ATXN10: variants seen among roughly 807,000 people sequenced by gnomAD.
ATXN10 encodes ataxin-10.
A neutral mutation model predicts 52.9 loss-of-function variants in ATXN10; 28 were observed. The observed-to-expected ratio is 0.53, with a 90% CI of 0.39 to 0.73. The LOEUF is 0.73. ATXN10 is among the 30% of genes least tolerant of loss of function. The pLI, the probability that ATXN10 is intolerant of heterozygous loss-of-function variation, is 0.00. For synonymous variants in ATXN10, 226 were observed against 221.5 expected (o/e 1.02, Z -0.18); for missense variants, 565 against 577.0 (o/e 0.98, Z 0.21).
Position 45,818,633 on chromosome 22 carries a change from T to TCAGGGGG in ATXN10, c.1237+11616_1237+11617insGGCAGGG, listed in dbSNP as rs1213514751. Among the ~76,000 whole-genome samples, 3 of 151,784 alleles carry TCAGGGGG rather than the reference T, an allele frequency of 2.0e-5. No individual in the cohort carries two copies. The highest frequency in any genetic ancestry group is 7.3e-5 in the African/African-American group (3 of 41,240). On this transcript the variant is annotated intron_variant, in intron 10 of 11. Transcript: ENST00000252934. The surrounding 1 kb of genome is among the most constrained non-coding windows in gnomAD (Gnocchi z 4.6). ...AGGGATCAACAGCCTGGGGCAGGGATCAGGGATCAGGGGGCAGGGATCATC... is the reference window on the plus strand; with the variant it reads ...AGGGATCAACAGCCTGGGGCAGGGATCAGGGGGCAGGGATCAGGGGGCAGGGATCATC...
intron 9 of ATXN10, chr22:45,793,894 C>G (rs947088399): frequency 1.6e-6 from 2 of 1,245,068 alleles, no homozygotes; most frequent in Non-Finnish European, 2.0e-6. Flanking sequence ...CAGTGTATAG[C>G]AGCAGCAGAG....
At chr22:45,714,499 G>A (rs965214014) in intron 5 of ATXN10, among the ~76,000 whole-genome samples, 1 of 151,932 alleles carries the variant, frequency 6.6e-6, no homozygotes, top group African/African-American at 2.4e-5. Flanking sequence ...TCCCTCCTCA[G>A]CCCACTGAGA....
intron 10 of ATXN10, chr22:45,811,747 A>G (rs1202362776): frequency 2.1e-6 from 1 of 471,066 alleles, no homozygotes; most frequent in Non-Finnish European, 4.4e-6. Flanking sequence ...GAACTTCGGC[A>G]GTGACTTCCT....
At position 45,733,681 on chromosome 22, in the gene ATXN10, G is replaced by A. The variant is rs895438328; in HGVS notation, c.894+4091G>A. Among the ~76,000 whole-genome samples the A allele has an allele frequency of 3.3e-5, 5 of 152,060 alleles. No individual in the cohort carries two copies. Among genetic ancestry groups the A allele is most frequent in the African/African-American group, 9.6e-5 (4 of 41,480 alleles). On this transcript the variant is annotated intron_variant, in intron 7 of 11. Transcript: ENST00000252934. The surrounding 1 kb of genome is among the most constrained non-coding windows in gnomAD (Gnocchi z 4.4). The stretch of plus-strand genomic sequence containing the variant: ...CGGAGGCAGAGAATCACGTGAACCC[G>A]GGAGGCGGAGGTTGCTGTGAACTGA...
rs1926412084 is a variant in ATXN10, at chr22:45,762,060, A to T, written c.1173+21522A>T. Among the ~76,000 whole-genome samples the T allele has an allele frequency of 6.6e-6, 1 of 152,144 alleles. No individual in the cohort carries two copies. Among genetic ancestry groups the T allele is most frequent in the South Asian group, 2.1e-4 (1 of 4,830 alleles). ...CTATTTAGTCATATGTTTTTACTTC[A>T]CTTTATGGTTTAAGTGAGCCAACCA... On this transcript the variant is annotated intron_variant, in intron 9 of 11. Transcript: ENST00000252934. The surrounding 1 kb of genome is among the most constrained non-coding windows in gnomAD (Gnocchi z 4.3).
intron 10 of ATXN10, among the ~76,000 whole-genome samples, chr22:45,831,733 C>G (rs897443981): frequency 2.6e-5 from 4 of 152,262 alleles, no homozygotes; most frequent in African/African-American, 4.8e-5. Context: ...TTTCTGCCCA[C>G]AAGGCCCAAG....
chr22:45,738,277 C>T (rs1469013340), intron 7 of ATXN10, among the ~76,000 whole-genome samples: 1 of 152,170 alleles, frequency 6.6e-6, no homozygotes, highest in Non-Finnish European at 1.5e-5. Context: ...TTTTCAACCA[C>T]AGCATTTTAC....
At position 45,824,080 on chromosome 22, in the gene ATXN10, C is replaced by G. The variant is rs530954900; in HGVS notation, c.1237+17058C>G. Among the ~76,000 whole-genome samples the G allele has an allele frequency of 2.0e-5, 3 of 152,302 alleles. No individual in the cohort carries two copies. The South Asian group carries it at 6.2e-4, about 32-fold the overall frequency. On this transcript the variant is annotated intron_variant, in intron 10 of 11. Transcript: ENST00000252934. The surrounding 1 kb of genome is among the most constrained non-coding windows in gnomAD (Gnocchi z 5.2). ...AGTGGGTATGCAGTAAGTTCTGGAGCAGGGACTTACCTTCCTACCTTCCTT... is the reference window on the plus strand; with the variant it reads ...AGTGGGTATGCAGTAAGTTCTGGAGGAGGGACTTACCTTCCTACCTTCCTT...
Position 45,690,089 on chromosome 22 carries a change from A to G in ATXN10, c.308+186A>G, listed in dbSNP as rs1468888402. On this transcript the variant is annotated intron_variant, in intron 2 of 11. Coordinates refer to ENST00000252934, the MANE Select transcript of ATXN10 (RefSeq NM_013236.4). The surrounding 1 kb of genome is among the most constrained non-coding windows in gnomAD (Gnocchi z 4.5). Reference sequence around the variant, plus strand: ...GGAGTTCAAGACCGGCCTGGGCAACATGGTGAGACCCTGTCTCTACAAAAA... The same window carrying G: ...GGAGTTCAAGACCGGCCTGGGCAACGTGGTGAGACCCTGTCTCTACAAAAA... Among the ~76,000 whole-genome samples, 1 of 152,132 alleles carries G rather than the reference A, an allele frequency of 6.6e-6. No individual in the cohort carries two copies. The highest frequency in any genetic ancestry group is 1.5e-5 in the Non-Finnish European group (1 of 68,020).
chr22:45,719,528 A>G (rs1924569471), intron 6 of ATXN10, among the ~76,000 whole-genome samples: 1 of 151,846 alleles, frequency 6.6e-6, no homozygotes, highest in African/African-American at 2.4e-5. Context: ...AAAAGAGATA[A>G]TACGACATAC....
At chr22:45,788,592 T>A (rs374071583) in intron 9 of ATXN10, among the ~76,000 whole-genome samples, 151 of 152,004 alleles carry the variant, frequency 9.9e-4, no homozygotes, top group African/African-American at 3.4e-3. Context: ...ATCTAAAATT[T>A]TTTTCCTGAT....
chr22:45,740,356 CT>C lies in ATXN10; in HGVS notation c.1004-9del. On this transcript the variant is annotated splice_polypyrimidine_tract_variant and intron_variant, in intron 8 of 11. Coordinates refer to ENST00000252934, the MANE Select transcript of ATXN10 (RefSeq NM_013236.4). ...TTTTCTGTGGAAAATGAAGTTTACT[CT>C]TTTGGTTATAGATCTTTTGCGGGTG... 6.2e-7 allele frequency: 1 copy of C among 1,613,756 alleles called. No individual in the cohort carries two copies. Among genetic ancestry groups the C allele is most frequent in the East Asian group, 2.2e-5 (1 of 44,846 alleles).
intron 10 of ATXN10, among the ~76,000 whole-genome samples, chr22:45,822,839 A>G (rs1928696582): frequency 6.6e-6 from 1 of 152,144 alleles, no homozygotes; most frequent in African/African-American, 2.4e-5. Flanking sequence ...TCTAATATTA[A>G]TAAACACAGT....
chr22:45,791,997 C>T (rs1299436772), intron 9 of ATXN10, among the ~76,000 whole-genome samples: 1 of 152,134 alleles, frequency 6.6e-6, no homozygotes, highest in African/African-American at 2.4e-5. Context: ...TTCCCAGGCA[C>T]AGTTTATTTT....
At chr22:45,773,151 C>G (rs184673906) in intron 9 of ATXN10, among the ~76,000 whole-genome samples, 1 of 152,280 alleles carries the variant, frequency 6.6e-6, no homozygotes, top group Admixed American at 6.5e-5. Flanking sequence ...TTGTTCGTCT[C>G]GCATGTGGAA....
In ATXN10 at chr22:45,717,172, G is replaced by A. The variant is rs112815279; in HGVS notation, c.648-1241G>A. On this transcript the variant is annotated intron_variant, in intron 5 of 11. Transcript: ENST00000252934. ...TGTTTGATCTTCTTGCCCCCTGTCT[G>A]TCACCCCTCTTGCCCCCAGCCTATT... Among the ~76,000 whole-genome samples the A allele has an allele frequency of 5.5e-3, 833 of 151,832 alleles. 6 individuals carry two copies. Among genetic ancestry groups the A allele is most frequent in the South Asian group, 0.01 (48 of 4,798 alleles).
intron 9 of ATXN10, among the ~76,000 whole-genome samples, chr22:45,778,879 C>T (rs1927050124): frequency 6.6e-6 from 1 of 152,052 alleles, no homozygotes; most frequent in South Asian, 2.1e-4. Flanking sequence ...GATATTTGTA[C>T]AAAAAGGTCC....
At chr22:45,694,562 A>G (rs577422972) in intron 3 of ATXN10, among the ~76,000 whole-genome samples, 18 of 151,942 alleles carry the variant, frequency 1.2e-4, no homozygotes, top group Admixed American at 1.1e-3. Flanking sequence ...CGGGCGGATC[A>G]TTTGAGGTCA....
chr22:45,714,344 T>A lies in ATXN10; in HGVS notation c.648-4069T>A, dbSNP rs182562786. 1.5e-4 allele frequency among the ~76,000 whole-genome samples: 23 copies of A among 152,208 alleles called. No individual in the cohort carries two copies. In the East Asian group the frequency reaches 2.1e-3, roughly 14 times the overall value. ...CACCCATCATATAAAATAAAATACA[T>A]GTATTTTTCTGTTTTTGTATTTTGA... On this transcript the variant is annotated intron_variant, in intron 5 of 11. Coordinates refer to ENST00000252934, the MANE Select transcript of ATXN10 (RefSeq NM_013236.4).
Sources: gnomAD v4.1 joint callset for allele counts (sites outside exome capture counted in the v4.1 genomes callset) on GRCh38, gnomAD v4.1.1 for gene constraint, Gnocchi (gnomAD v3.1) non-coding constraint, MANE v1.5 for transcripts, NCBI Gene and HGNC (gene_info 2026-07-23, HGNC 2026-07-21) for gene names.